The following TENM4 variants were observed in gnomAD, a reference collection of about 807,000 sequenced individuals.
TENM4 encodes teneurin-4.
Under a neutral mutation model 243.3 loss-of-function variants are expected in TENM4, and 82 were observed. The observed-to-expected ratio is 0.34, with a 90% CI of 0.28 to 0.40. The LOEUF is 0.40. Ranked by LOEUF, TENM4 falls within the 10% of genes least tolerant of loss-of-function variation. The probability of loss-of-function intolerance (pLI) is 1.00; values close to 1 mark genes in which losing one functional copy is unlikely to be tolerated. For missense variants in TENM4, 3,138 were observed against 3,673.3 expected (o/e 0.85, Z 3.77); for synonymous variants, 1,412 against 1,456.3 (o/e 0.97, Z 0.69).
chr11:79,037,796 C>T (rs1217508194), intron 6 of TENM4, among the ~76,000 whole-genome samples: 3 of 152,146 alleles, frequency 2.0e-5, no homozygotes, highest in Non-Finnish European at 4.4e-5. Context: ...AAGAATGTAA[C>T]GGTCAAGGGA....
chr11:79,188,038 G>T (rs1863409905), intron 3 of TENM4, among the ~76,000 whole-genome samples: 1 of 152,208 alleles, frequency 6.6e-6, no homozygotes, highest in South Asian at 2.1e-4. Flanking sequence ...ACTCACTGTT[G>T]TTTAGCTTTG....
chr11:79,109,921 C>T (rs1459819384), intron 4 of TENM4, among the ~76,000 whole-genome samples: 3 of 152,170 alleles, frequency 2.0e-5, no homozygotes, highest in African/African-American at 7.2e-5. Context: ...TGAGATAATC[C>T]ACACCTGGCA....
intron 9 of TENM4, among the ~76,000 whole-genome samples, chr11:78,875,450 C>T (rs896316817): frequency 2.6e-5 from 4 of 152,192 alleles, no homozygotes; most frequent in African/African-American, 7.2e-5. Context: ...GTGATCTGCC[C>T]GCCTTGGCCT....
At chr11:79,051,551 T>G (rs1480726358) in intron 6 of TENM4, among the ~76,000 whole-genome samples, 2 of 152,228 alleles carry the variant, frequency 1.3e-5, no homozygotes, top group African/African-American at 2.4e-5. Flanking sequence ...GAGCTTTGGA[T>G]TTGGATAGCC....
chr11:79,296,298 A>G (rs1482257312), intron 2 of TENM4, among the ~76,000 whole-genome samples: 1 of 152,188 alleles, frequency 6.6e-6, no homozygotes, highest in African/African-American at 2.4e-5. Flanking sequence ...GCAGTTTTAC[A>G]GCAAGGTCAC....
At chr11:78,971,603 T>G (rs1365831334) in intron 6 of TENM4, among the ~76,000 whole-genome samples, 1 of 152,154 alleles carries the variant, frequency 6.6e-6, no homozygotes, top group East Asian at 1.9e-4. Flanking sequence ...ACCTGGCCCC[T>G]TAAATAAGAT....
chr11:79,396,327 A>G (rs989697746), intron 1 of TENM4, among the ~76,000 whole-genome samples: 2 of 152,130 alleles, frequency 1.3e-5, no homozygotes, highest in East Asian at 3.9e-4. Flanking sequence ...ATCATGCTTT[A>G]TATCTAGTTC....
At position 78,688,189 on chromosome 11, in the gene TENM4, G is replaced by A. The variant is rs371313766; in HGVS notation, c.5125C>T (p.Pro1709Ser). 1 of 1,613,588 alleles carries A rather than the reference G, an allele frequency of 6.2e-7. No individual in the cohort carries two copies. The highest frequency in any genetic ancestry group is 8.5e-7 in the Non-Finnish European group (1 of 1,179,754). ...CGGAAACTGCTCACCTGGCCAGTAG[G>A]GAAGGTCACATTTGTCAGGCGGCCA... The part of the protein sequence containing the change: ...SFGRLTNVTF[P>S]TGQVSSFRSD... The change falls in exon 29 of 34, where the codon CCT becomes TCT. Residue 1709 changes from proline (P) to serine (S), a missense_variant. Around this residue, in one of 2 missense-constraint regions of TENM4, gnomAD observed 2,467 missense variants for 3,059.1 expected, o/e 0.81. Transcript: ENST00000278550.
chr11:79,392,041 A>G (rs544252155), intron 1 of TENM4, among the ~76,000 whole-genome samples: 1 of 152,348 alleles, frequency 6.6e-6, no homozygotes, highest in Admixed American at 6.5e-5. Flanking sequence ...TACAGAAAAC[A>G]TTTACTTATA....
At chr11:79,208,560 G>A (rs984437874) in intron 3 of TENM4, among the ~76,000 whole-genome samples, 6 of 152,154 alleles carry the variant, frequency 3.9e-5, no homozygotes, top group African/African-American at 7.2e-5. Flanking sequence ...GAAGAAGCTC[G>A]GCTTCATAGC....
intron 1 of TENM4, among the ~76,000 whole-genome samples, chr11:79,413,926 G>A (rs753155542): frequency 7.2e-5 from 11 of 151,918 alleles, no homozygotes; most frequent in African/African-American, 1.2e-4. Context: ...AGTCATAGAC[G>A]GCAAATATTT....
intron 10 of TENM4, among the ~76,000 whole-genome samples, chr11:78,860,692 G>A (rs142988319): frequency 1.5e-3 from 222 of 152,320 alleles, no homozygotes; most frequent in African/African-American, 5.0e-3. Context: ...ACTATAGGAA[G>A]CTTTGTCCTC....
intron 1 of TENM4, among the ~76,000 whole-genome samples, chr11:79,313,687 C>T (rs1181142952): frequency 4.6e-5 from 7 of 152,194 alleles, no homozygotes; most frequent in Non-Finnish European, 8.8e-5. Flanking sequence ...TGAATGATGG[C>T]TTCAGACTCA....
intron 1 of TENM4, among the ~76,000 whole-genome samples, chr11:79,376,307 T>G (rs968435837): frequency 6.6e-6 from 1 of 152,238 alleles, no homozygotes; most frequent in African/African-American, 2.4e-5. Context: ...TGTCTCTTGA[T>G]GTCCTCACCC....
intron 3 of TENM4, among the ~76,000 whole-genome samples, chr11:79,188,474 T>A (rs553198197): frequency 1.3e-5 from 2 of 150,292 alleles, no homozygotes; most frequent in Non-Finnish European, 3.0e-5. Context: ...GAAGTCCTAG[T>A]AGAGAGGAGA....
At chr11:79,207,897 G>A (rs920736783) in intron 3 of TENM4, among the ~76,000 whole-genome samples, 5 of 149,052 alleles carry the variant, frequency 3.4e-5, no homozygotes, top group African/African-American at 7.5e-5. Context: ...AAAAGTGGGG[G>A]ATAATTTAGG....
chr11:79,123,496 T>A (rs1861788829), intron 4 of TENM4, among the ~76,000 whole-genome samples: 1 of 151,944 alleles, frequency 6.6e-6, no homozygotes, highest in Non-Finnish European at 1.5e-5. Context: ...TACATTAAAC[T>A]GCCAAAAGTA....
chr11:79,421,160 G>T (rs1157621770), intron 1 of TENM4, among the ~76,000 whole-genome samples: 1 of 152,076 alleles, frequency 6.6e-6, no homozygotes, highest in Non-Finnish European at 1.5e-5. Context: ...TTTTTGCAAT[G>T]CTTATAAAGC....
intron 12 of TENM4, among the ~76,000 whole-genome samples, chr11:78,841,933 T>C (rs1241479446): frequency 6.6e-6 from 1 of 152,146 alleles, no homozygotes; most frequent in African/African-American, 2.4e-5. Flanking sequence ...ATCATCTTCC[T>C]AAGTTTTCTC....
Sources: allele counts gnomAD v4.1 joint callset (sites outside exome capture counted in the v4.1 genomes callset), GRCh38; gene constraint gnomAD v4.1.1; regional missense constraint gnomAD v4.1.1; transcripts MANE v1.5; gene names NCBI Gene and HGNC (gene_info 2026-07-23, HGNC 2026-07-21).